Variants in MAP3K15 observed in about 807,000 individuals in gnomAD.
MAP3K15 encodes MAPK/ERK kinase kinase 15.
In MAP3K15, 124 loss-of-function variants were observed where a neutral mutation model predicts 99.5. The ratio of observed to expected loss-of-function variants is 1.25; its 90% CI spans 1.08 to 1.45. The LOEUF (loss-of-function observed/expected upper bound fraction) is 1.45, where lower values mean the gene tolerates loss of function less well. MAP3K15 is among the 40% of genes most tolerant of loss of function. The pLI is 0.00. For missense variants in MAP3K15, 1,242 were observed against 1,079.7 expected, an observed-to-expected ratio of 1.15 and a Z score of -2.11; for synonymous variants, 494 against 439.6, an observed-to-expected ratio of 1.12 and a Z score of -1.55.
intron 9 of MAP3K15, 27 bp from the exon 10 acceptor site, chrX:19,415,284 T>A: frequency 8.9e-7 from 1 of 1,123,875 alleles, no homozygotes; most frequent in Admixed American, 2.9e-5. Context: ...CAGCAATATA[T>A]TGGATTCCTA....
intron 9 of MAP3K15, among the ~76,000 whole-genome samples, chrX:19,423,676 A>G (rs1183324263): frequency 1.8e-5 from 2 of 112,070 alleles, no homozygotes; most frequent in Non-Finnish European, 3.8e-5. Context: ...CATTCAAAAG[A>G]AAGATCTGGC....
intron 1 of MAP3K15, among the ~76,000 whole-genome samples, chrX:19,495,366 A>T (rs1278856835): frequency 1.8e-5 from 2 of 111,385 alleles, no homozygotes; most frequent in South Asian, 3.7e-4. Context: ...CCAATATACC[A>T]ATTCAGTGTT....
In MAP3K15 at chrX:19,483,565, A is replaced by AGTGT. The variant is rs140310801; in HGVS notation, c.525+2913_525+2916dup. Among the ~76,000 whole-genome samples the AGTGT allele has an allele frequency of 8.7e-3, 927 of 106,061 alleles. 5 individuals are homozygous for AGTGT. The highest frequency in any genetic ancestry group is 0.025 in the African/African-American group (739 of 29,037). The allele number at this position is 106,061 out of a possible 115,157, so 92.1% of individuals were successfully genotyped here. A position where few individuals can be genotyped will look rare whatever the true frequency, so the allele number is the denominator to read the frequency against. The stretch of plus-strand genomic sequence containing the variant: ...AAGACTTCACTGTTCACTAACTATG[A>AGTGT]GTGTGTGTGTGTGTGTGTGTGTTAA... On this transcript the variant is annotated intron_variant, in intron 3 of 28. Transcript: ENST00000338883.
chrX:19,421,700 A>G (rs2063787250), intron 9 of MAP3K15, among the ~76,000 whole-genome samples: 1 of 89,060 alleles, frequency 1.1e-5, no homozygotes, highest in South Asian at 4.6e-4. Flanking sequence ...ATATGGAACC[A>G]AAAAAGAGCC....
At chrX:19,399,839 C>T (rs1356975930) in intron 14 of MAP3K15, among the ~76,000 whole-genome samples, 1 of 109,715 alleles carries the variant, frequency 9.1e-6, no homozygotes, top group African/African-American at 3.3e-5. Context: ...AGACTTTTAC[C>T]TCACACCTCC....
intron 25 of MAP3K15, among the ~76,000 whole-genome samples, chrX:19,363,904 C>T (rs1468991460): frequency 3.6e-5 from 4 of 110,906 alleles, no homozygotes; most frequent in Non-Finnish European, 7.6e-5. Context: ...CCACCTGCCT[C>T]GGCCTCCCAA....
Position 19,433,730 on chromosome X carries a change from TAAAAAC to T in MAP3K15, c.996-2128_996-2123del, listed in dbSNP as rs773910619. 2.4e-3 allele frequency among the ~76,000 whole-genome samples: 272 copies of T among 111,780 alleles called. 1 individual carries two copies. The highest frequency in any genetic ancestry group is 7.6e-3 in the African/African-American group (234 of 30,839). On this transcript the variant is annotated intron_variant, in intron 6 of 28. Coordinates refer to ENST00000338883, the MANE Select transcript of MAP3K15 (RefSeq NM_001001671.4). The stretch of plus-strand genomic sequence containing the variant: ...TAAATATATTTGTGATTTTACATGA[TAAAAAC>T]AAAAACAAAAACAAAACAGGTACCC...
chrX:19,446,073 G>A (rs540979995), intron 6 of MAP3K15, among the ~76,000 whole-genome samples: 5 of 112,323 alleles, frequency 4.5e-5, no homozygotes, highest in South Asian at 3.7e-4. Flanking sequence ...GCATTTGGCC[G>A]TGAAATAAAC....
chrX:19,490,443 C>T (rs2064361070), intron 1 of MAP3K15, among the ~76,000 whole-genome samples: 1 of 110,924 alleles, frequency 9.0e-6, no homozygotes, highest in South Asian at 3.8e-4. Flanking sequence ...CTACCATCAA[C>T]TTAACAACAT....
intron 6 of MAP3K15, among the ~76,000 whole-genome samples, chrX:19,441,821 A>G (rs2063962114): frequency 9.0e-6 from 1 of 111,555 alleles, no homozygotes; most frequent in African/African-American, 3.3e-5. Flanking sequence ...ACACAGATAC[A>G]AAACCTCTCT....
chrX:19,432,882 A>G (rs1173140465), intron 6 of MAP3K15, among the ~76,000 whole-genome samples: 3 of 110,365 alleles, frequency 2.7e-5, no homozygotes, highest in African/African-American at 9.9e-5. Context: ...ACGCCCAACT[A>G]ATTTTTGTAA....
rs370641677 is a variant in MAP3K15 at position 19,398,248 on chromosome X, C to T, written c.2044G>A (p.Glu682Lys). The T allele has an allele frequency of 3.3e-6, 4 of 1,209,228 alleles. No individual in the cohort carries two copies. Among genetic ancestry groups the T allele is most frequent in the African/African-American group, 1.8e-5 (1 of 56,926 alleles). ...LSNQVRIAIK[E>K]IPERDSRYSQ... is the part of the protein sequence containing the mutation. ...TGCCTGCTATCTCTCTCCGGGATTT[C>T]TTTGATGGCTATTCGCACTTGATTG... is the stretch of plus-strand genomic sequence containing the variant. The change falls in exon 15 of 29, where the codon GAA becomes AAA. Residue 682 changes from glutamate to lysine, a missense_variant. Glu to Lys is a moderately conservative substitution (Grantham distance 56). Coordinates refer to ENST00000338883, the MANE Select transcript of MAP3K15 (RefSeq NM_001001671.4).
intron 1 of MAP3K15, among the ~76,000 whole-genome samples, chrX:19,504,376 C>T (rs1478382225): frequency 9.0e-6 from 1 of 110,673 alleles, no homozygotes; most frequent in Non-Finnish European, 1.9e-5. Flanking sequence ...TGCTGCTGCT[C>T]ACATCGCACT....
At chrX:19,410,017 A>C in intron 11 of MAP3K15, 44 bp from the exon 12 acceptor site, 1 of 1,104,814 alleles carries the variant, frequency 9.1e-7, no homozygotes. Flanking sequence ...GAGTTTTTTA[A>C]AGCAAATGAT....
intron 6 of MAP3K15, among the ~76,000 whole-genome samples, chrX:19,447,886 A>AAAAAAAAG (rs2064011810): frequency 1.2e-5 from 1 of 82,731 alleles, no homozygotes; most frequent in Non-Finnish European, 2.2e-5. Flanking sequence ...TCCGTCTCAA[A>AAAAAAAAG]AAAAAAAAAA....
intron 1 of MAP3K15, chrX:19,496,504 A>G (rs2064403324): frequency 9.0e-6 from 1 of 111,535 alleles, no homozygotes; most frequent in Non-Finnish European, 1.9e-5. Context: ...TTTTCTGACC[A>G]GCAGATAGCA....
intron 1 of MAP3K15, chrX:19,497,097 T>C (rs1269739946): frequency 9.0e-6 from 1 of 111,427 alleles, no homozygotes; most frequent in Non-Finnish European, 1.9e-5. Flanking sequence ...CAAAAACTTA[T>C]CTATTTGCTT....
chrX:19,486,385 G>A, intron 3 of MAP3K15, 97 bp downstream of exon 3: 1 of 359,772 alleles, frequency 2.8e-6, no homozygotes. Flanking sequence ...GTGATTAGAA[G>A]TCATCTTGCT....
At position 19,360,819 on chromosome X, in the gene MAP3K15, CA is replaced by C. The variant is rs761048720; in HGVS notation, c.3871del (p.Cys1291AlafsTer64). On this transcript the variant is annotated frameshift_variant, in exon 29 of 29. Coordinates refer to ENST00000338883, the MANE Select transcript of MAP3K15 (RefSeq NM_001001671.4). LOFTEE classifies it low-confidence loss of function (END_TRUNC). ...CTGGGAGACCGCACTCCAGAGTCTG[CA>C]GAGGAGACCACCCCTGGGAAACAAA... ...RYLRLRGGLL[C>X]RLWSAVSQYR... 4.2e-6 allele frequency: 5 copies of C among 1,201,721 alleles called. No individual in the cohort carries two copies. In the African/African-American group the frequency reaches 8.8e-5, roughly 21 times the overall value.
Sources: allele counts gnomAD v4.1 joint callset (sites outside exome capture counted in the v4.1 genomes callset), GRCh38; gene constraint gnomAD v4.1.1; transcripts MANE v1.5; gene names NCBI Gene and HGNC (gene_info 2026-07-23, HGNC 2026-07-21).